Variants in ZNF608 observed in about 807,000 individuals in gnomAD.
The protein encoded by ZNF608 is renal carcinoma antigen NY-REN-36.
A neutral mutation model predicts 109.0 loss-of-function variants in ZNF608; 12 were observed. The observed-to-expected ratio is 0.11, with a 90% CI of 0.07 to 0.18. ZNF608 has a LOEUF of 0.18. Among genes scored for constraint, ZNF608 ranks in the 10% least tolerant of loss-of-function variants. The probability of loss-of-function intolerance (pLI) is 1.00; values close to 1 mark genes in which losing one functional copy is unlikely to be tolerated. For missense variants in ZNF608, 1,707 were observed against 1,879.3 expected (o/e 0.91, Z 1.70); for synonymous variants, 732 against 717.4 (o/e 1.02, Z -0.33).
chr5:124,730,628 G>C (rs1412085638), intron 2 of ZNF608, among the ~76,000 whole-genome samples: 3 of 152,140 alleles, frequency 2.0e-5, no homozygotes, highest in Admixed American at 2.0e-4. Context: ...ATTAGACTTT[G>C]GTGTAAACAG....
At chr5:124,641,551 T>A (rs1750240287) in intron 7 of ZNF608, 146 bp from the exon 8 acceptor site, 1 of 977,706 alleles carries the variant, frequency 1.0e-6, no homozygotes, top group Non-Finnish European at 1.4e-6. Context: ...CTAAAGAGAA[T>A]TTCAAAAAAC....
Position 124,739,198 on chromosome 5 carries a change from C to T in ZNF608, c.906+4886G>A, listed in dbSNP as rs191667265. Reference sequence around the variant, plus strand: ...CATTTATCTCAGGGAGGCACAAGCCCAGTCATTAGCTTCAATAAAAGACCT... The same window carrying T: ...CATTTATCTCAGGGAGGCACAAGCCTAGTCATTAGCTTCAATAAAAGACCT... On this transcript the variant is annotated intron_variant, in intron 2 of 9. Coordinates refer to ENST00000513986, the MANE Select transcript of ZNF608 (RefSeq NM_020747.3). Among the ~76,000 whole-genome samples, 6 of 152,274 alleles carry T rather than the reference C, an allele frequency of 3.9e-5. No individual in the cohort carries two copies. The East Asian group carries it at 1.2e-3, about 29-fold the overall frequency.
upstream of ZNF608, chr5:124,746,800 GA>G: frequency 1.0e-6 from 1 of 985,032 alleles, no homozygotes; most frequent in Non-Finnish European, 1.2e-6. Context: ...AAGAGAAAAG[GA>G]GGGGGGGAGT....
In ZNF608 at chr5:124,648,354, G is replaced by A; in HGVS notation, c.2030C>T (p.Ser677Phe). ...ACTGTCTAACGCAGCCGTCATGTTG[G>A]AGATTACTGGAAGGTTGTTCAGTTC... Reference protein sequence around the residue: ...NNELNNLPVISNMTAALDSCS... With the variant: ...NNELNNLPVIFNMTAALDSCS... The change falls in exon 5 of 10, where the codon TCC becomes TTC. Residue 677 changes from serine to phenylalanine, a missense_variant. Physicochemically the swap from Ser to Phe is radical, Grantham distance 155 (BLOSUM62 -2). Coordinates refer to ENST00000513986, the MANE Select transcript of ZNF608 (RefSeq NM_020747.3). The A allele has an allele frequency of 6.2e-7, 1 of 1,614,192 alleles. No homozygotes were observed. The highest frequency in any genetic ancestry group is 8.5e-7 in the Non-Finnish European group (1 of 1,180,044).
intron 3 of ZNF608, among the ~76,000 whole-genome samples, chr5:124,683,188 A>G (rs1388118762): frequency 6.6e-6 from 1 of 152,192 alleles, no homozygotes; most frequent in Non-Finnish European, 1.5e-5. Context: ...TGGCTCCTTC[A>G]TCTCCACTGG....
chr5:124,725,948 T>C (rs930098224), intron 2 of ZNF608, among the ~76,000 whole-genome samples: 6 of 152,212 alleles, frequency 3.9e-5, no homozygotes, highest in African/African-American at 4.8e-5. Flanking sequence ...AAAAGGGTGC[T>C]ATATTCATAG....
At chr5:124,638,535 G>C (rs1218999570) in intron 9 of ZNF608, among the ~76,000 whole-genome samples, 1 of 152,220 alleles carries the variant, frequency 6.6e-6, no homozygotes, top group African/African-American at 2.4e-5. Context: ...GGGACTACAG[G>C]CATGGGCCAT....
In ZNF608 at chr5:124,702,708, C is replaced by A. The variant is rs117283000; in HGVS notation, c.907-1439G>T. Among the ~76,000 whole-genome samples the A allele has an allele frequency of 1.9e-4, 29 of 152,272 alleles. No homozygotes were observed. In the East Asian group the frequency reaches 5.2e-3, roughly 27 times the overall value. ...GTGATCCAAGATGCAACAGAACAGC[C>A]TTTCACCCATCTGCATGTTAAAAAA... On this transcript the variant is annotated intron_variant, in intron 2 of 9. Transcript: ENST00000513986.
intron 2 of ZNF608, among the ~76,000 whole-genome samples, chr5:124,739,199 A>C (rs1749275699): frequency 6.6e-6 from 1 of 152,230 alleles, no homozygotes; most frequent in South Asian, 2.1e-4. Context: ...GCACAAGCCC[A>C]GTCATTAGCT....
intron 5 of ZNF608, 82 bp from the exon 6 acceptor site, chr5:124,644,743 T>C: frequency 8.5e-7 from 1 of 1,174,138 alleles, no homozygotes; most frequent in Non-Finnish European, 1.2e-6. Flanking sequence ...TTAATAATCA[T>C]GACAGCACTA....
At position 124,637,692 on chromosome 5, in the gene ZNF608, C is replaced by A; in HGVS notation, c.*208G>T. 4.2e-6 allele frequency: 1 copy of A among 238,016 alleles called. No homozygotes were observed. Among genetic ancestry groups the A allele is most frequent in the Non-Finnish European group, 7.8e-6 (1 of 127,690 alleles). The allele number at this position is 238,016 out of a possible 1,614,324, so 14.7% of individuals were successfully genotyped here. A position where few individuals can be genotyped will look rare whatever the true frequency, so the allele number is the denominator to read the frequency against. On this transcript the variant is annotated 3_prime_UTR_variant, in exon 10 of 10. Transcript: ENST00000513986. The stretch of plus-strand genomic sequence containing the variant: ...TTATATATATATATATGTATATATA[C>A]AGATATGTATACGTATATATATATA...
At chr5:124,639,877 T>A (rs1228751350) in intron 8 of ZNF608, among the ~76,000 whole-genome samples, 1 of 152,230 alleles carries the variant, frequency 6.6e-6, no homozygotes, top group African/African-American at 2.4e-5. Context: ...TTTATTTGGA[T>A]ATATTTTCTT....
chr5:124,713,765 T>C (rs1236368983), intron 2 of ZNF608, among the ~76,000 whole-genome samples: 1 of 152,138 alleles, frequency 6.6e-6, no homozygotes, highest in Non-Finnish European at 1.5e-5. Context: ...CGTTAATATC[T>C]GTTGGTGGAG....
intron 3 of ZNF608, among the ~76,000 whole-genome samples, chr5:124,697,769 A>G (rs1365684895): frequency 1.3e-5 from 2 of 152,218 alleles, no homozygotes. Flanking sequence ...TAAGTATTGA[A>G]TGGGGATCCT....
chr5:124,657,966 GC>G (rs1400207563), intron 3 of ZNF608, among the ~76,000 whole-genome samples: 1 of 152,112 alleles, frequency 6.6e-6, no homozygotes, highest in East Asian at 1.9e-4. Flanking sequence ...AAGCAACATT[GC>G]CCTTGATGAC....
At chr5:124,644,796 T>C (rs1750424125) in intron 5 of ZNF608, 135 bp from the exon 6 acceptor site, 1 of 780,536 alleles carries the variant, frequency 1.3e-6, no homozygotes, top group African/African-American at 1.7e-5. Flanking sequence ...ATTTCTGTGC[T>C]AGACACTGTG....
At position 124,746,360 on chromosome 5, in the gene ZNF608, C is replaced by A. The variant is rs1749639643; in HGVS notation, c.-349G>T. On this transcript the variant is annotated 5_prime_UTR_variant, in exon 1 of 10. Transcript: ENST00000513986. The stretch of plus-strand genomic sequence containing the variant: ...AGAATAATCACTCGATAACATTATT[C>A]CACCTCCCCACCCCCCTTTTGGCAA... 1.0e-6 allele frequency: 1 copy of A among 985,262 alleles called. No homozygotes were observed. The highest frequency in any genetic ancestry group is 1.2e-6 in the Non-Finnish European group (1 of 829,910). 61.0% of individuals were successfully genotyped at this position (985,262 alleles called of 1,614,324 possible).
intron 3 of ZNF608, among the ~76,000 whole-genome samples, chr5:124,675,261 A>T (rs992937316): frequency 6.6e-6 from 1 of 152,236 alleles, no homozygotes. Flanking sequence ...TTTCCAGTAC[A>T]TGTTAGCTAA....
At chr5:124,664,768 T>C (rs1751408565) in intron 3 of ZNF608, among the ~76,000 whole-genome samples, 1 of 152,114 alleles carries the variant, frequency 6.6e-6, no homozygotes, top group Non-Finnish European at 1.5e-5. Flanking sequence ...AATAACACAG[T>C]GTCATGAAGG....
Sources: allele counts gnomAD v4.1 joint callset (sites outside exome capture counted in the v4.1 genomes callset), GRCh38; gene constraint gnomAD v4.1.1; transcripts MANE v1.5; gene names NCBI Gene and HGNC (gene_info 2026-07-23, HGNC 2026-07-21).